Variants in MUC7 observed in about 807,000 individuals in gnomAD.
MUC7 encodes mucin-7.
A neutral mutation model predicts 2.5 loss-of-function variants in MUC7; 2 were observed. The observed-to-expected ratio is 0.81, with a 90% CI of 0.33 to 2.55. The LOEUF (loss-of-function observed/expected upper bound fraction) is 2.55. Ranked by LOEUF, MUC7 falls within the 30% of genes most tolerant of loss-of-function variation. MUC7 has a pLI of 0.11. For missense variants in MUC7, 408 were observed against 455.6 expected, an observed-to-expected ratio of 0.90 and a Z score of 0.95; for synonymous variants, 133 against 173.4, an observed-to-expected ratio of 0.77 and a Z score of 1.83.
chr4:70,447,671 G>C (rs954403318), intron 1 of MUC7, among the ~76,000 whole-genome samples: 4 of 151,920 alleles, frequency 2.6e-5, no homozygotes, highest in Non-Finnish European at 5.9e-5. Context: ...AATACATAAG[G>C]TGTATATATT....
chr4:70,436,061 C>T (rs982765174), intron 1 of MUC7, among the ~76,000 whole-genome samples: 1 of 151,830 alleles, frequency 6.6e-6, no homozygotes, highest in East Asian at 1.9e-4. Context: ...GGGTTTCTGC[C>T]CACAGATCTG....
intron 1 of MUC7, among the ~76,000 whole-genome samples, chr4:70,439,619 TTA>T (rs774401963): frequency 9.9e-5 from 15 of 152,152 alleles, no homozygotes; most frequent in Non-Finnish European, 1.3e-4. Context: ...TCTTAAAGTG[TTA>T]TGTTATGATT....
In MUC7 at chr4:70,447,011, G is replaced by C. The variant is rs75037848; in HGVS notation, c.-93+16324G>C. On this transcript the variant is annotated intron_variant, in intron 1 of 3. Transcript: ENST00000413702. ...ACAAGAAATGCAGACAAGTGCAAAT[G>C]AGAAAGACATCCCAACATGAGATTT... Among the ~76,000 whole-genome samples, 1,328 of 141,882 alleles carry C rather than the reference G, an allele frequency of 9.4e-3. 17 individuals are homozygous for C. The highest frequency in any genetic ancestry group is 0.033 in the African/African-American group (1,261 of 38,754). 93.1% of individuals were successfully genotyped at this position (141,882 alleles called of 152,430 possible).
upstream of MUC7, among the ~76,000 whole-genome samples, chr4:70,469,761 G>T (rs1734783445): frequency 6.6e-6 from 1 of 152,210 alleles, no homozygotes; most frequent in South Asian, 2.1e-4. Flanking sequence ...GGAAACAACA[G>T]ATGCTGGAAA....
intron 1 of MUC7, among the ~76,000 whole-genome samples, chr4:70,455,185 A>G (rs1343159628): frequency 6.6e-6 from 1 of 152,156 alleles, no homozygotes; most frequent in Non-Finnish European, 1.5e-5. Flanking sequence ...ATTGTCTTCC[A>G]CAACAATTAA....
intron 1 of MUC7, among the ~76,000 whole-genome samples, chr4:70,458,601 AC>A (rs1426148810): frequency 5.3e-5 from 8 of 152,130 alleles, no homozygotes; most frequent in African/African-American, 1.9e-4. Context: ...AAAAAAAGTA[AC>A]AAAAAATGTA....
At chr4:70,464,120 C>T (rs894488158) in intron 1 of MUC7, among the ~76,000 whole-genome samples, 5 of 152,130 alleles carry the variant, frequency 3.3e-5, no homozygotes, top group Non-Finnish European at 7.3e-5. Context: ...CAGGGTGGGG[C>T]GTCACCTTGC....
chr4:70,444,589 T>C (rs1560546394), intron 1 of MUC7, among the ~76,000 whole-genome samples: 1 of 152,228 alleles, frequency 6.6e-6, no homozygotes, highest in Non-Finnish European at 1.5e-5. Flanking sequence ...CTGCAATTGA[T>C]GATGCATCTT....
chr4:70,446,638 C>G (rs1734147368), intron 1 of MUC7, among the ~76,000 whole-genome samples: 1 of 152,164 alleles, frequency 6.6e-6, no homozygotes, highest in Non-Finnish European at 1.5e-5. Context: ...CCAAATAAGG[C>G]CACATTCTGA....
At chr4:70,463,835 C>T (rs1480811646) in intron 1 of MUC7, among the ~76,000 whole-genome samples, 1 of 152,192 alleles carries the variant, frequency 6.6e-6, no homozygotes, top group Non-Finnish European at 1.5e-5. Flanking sequence ...TCGCCAAACA[C>T]CAAGTCGGCC....
At chr4:70,465,193 G>C (rs1020133935) in intron 1 of MUC7, among the ~76,000 whole-genome samples, 4 of 152,136 alleles carry the variant, frequency 2.6e-5, no homozygotes, top group Admixed American at 1.3e-4. Flanking sequence ...AAACAGAAAG[G>C]AATAGCATCA....
chr4:70,477,562 C>A (rs531523026), intron 2 of MUC7, among the ~76,000 whole-genome samples: 3 of 152,102 alleles, frequency 2.0e-5, no homozygotes, highest in African/African-American at 7.2e-5. Flanking sequence ...TCCTTTCTTG[C>A]TGCAAGTGCC....
rs3832306 is a variant in MUC7, at chr4:70,482,147, TTAGA to T, written c.*272_*275del. On this transcript the variant is annotated 3_prime_UTR_variant, in exon 3 of 3. Transcript: ENST00000304887. The stretch of plus-strand genomic sequence containing the variant: ...AGCCTACTGAGGGCAAAGAAAGTCC[TTAGA>T]TAAAGAGAGAATATTGTATGGGCCA... 65,012 of 411,382 alleles carry T rather than the reference TTAGA, an allele frequency of 0.16. 5,685 individuals are homozygous for T. Among genetic ancestry groups the T allele is most frequent in the South Asian group, 0.2 (5,921 of 29,764 alleles). 25.5% of individuals were successfully genotyped at this position (411,382 alleles called of 1,614,324 possible). A position where few individuals can be genotyped will look rare whatever the true frequency, so the allele number is the denominator to read the frequency against.
intron 1 of MUC7, among the ~76,000 whole-genome samples, chr4:70,457,020 C>A (rs1396842389): frequency 6.8e-6 from 1 of 147,758 alleles, no homozygotes; most frequent in African/African-American, 2.5e-5. Context: ...AATGTAAACA[C>A]CAAATAATAA....
chr4:70,432,899 T>A (rs1733718569), intron 1 of MUC7, among the ~76,000 whole-genome samples: 2 of 152,214 alleles, frequency 1.3e-5, no homozygotes, highest in African/African-American at 4.8e-5. Flanking sequence ...CTTGAATTAA[T>A]TTTTGAATAA....
intron 1 of MUC7, among the ~76,000 whole-genome samples, chr4:70,456,698 A>G (rs1045214712): frequency 2.0e-5 from 3 of 152,316 alleles, no homozygotes; most frequent in African/African-American, 7.2e-5. Context: ...CATGGGGATT[A>G]CAGTTCAAGA....
At chr4:70,445,864 G>A (rs1210806391) in intron 1 of MUC7, among the ~76,000 whole-genome samples, 5 of 152,262 alleles carry the variant, frequency 3.3e-5, no homozygotes, top group Middle Eastern at 3.4e-3. Context: ...AATGTACAAC[G>A]GAACAACTGC....
chr4:70,436,454 C>T (rs545776836), intron 1 of MUC7, among the ~76,000 whole-genome samples: 3 of 152,040 alleles, frequency 2.0e-5, no homozygotes, highest in South Asian at 2.1e-4. Context: ...TTAATTTGAT[C>T]TTCAATCATT....
exon 1 of MUC7, chr4:70,430,520 A>G (rs546722299): frequency 1.3e-5 from 2 of 152,244 alleles, no homozygotes; most frequent in Admixed American, 1.3e-4. Flanking sequence ...CTATTCCTAA[A>G]AGAATCTAGT....
Sources: gnomAD v4.1 joint callset for allele counts (sites outside exome capture counted in the v4.1 genomes callset) on GRCh38, gnomAD v4.1.1 for gene constraint, MANE v1.5 for transcripts, NCBI Gene and HGNC (gene_info 2026-07-23, HGNC 2026-07-21) for gene names.